Variants in USP10 observed in about 807,000 individuals in gnomAD.
The protein encoded by USP10 is ubiquitin specific peptidase 10, also known as ubiquitin carboxyl-terminal hydrolase 10.
A neutral mutation model predicts 84.5 loss-of-function variants in USP10; 22 were observed. The observed-to-expected ratio is 0.26, with a 90% CI of 0.19 to 0.37. The LOEUF (loss-of-function observed/expected upper bound fraction) is 0.37. Ranked by LOEUF, USP10 falls within the 10% of genes least tolerant of loss-of-function variation. The pLI is 1.00. For synonymous variants in USP10, 454 were observed against 387.6 expected (o/e 1.17, Z -2.01); for missense variants, 1,019 against 998.9 (o/e 1.02, Z -0.27).
At chr16:84,704,745 G>A in intron 1 of USP10, 1 of 1,531,050 alleles carries the variant, frequency 6.5e-7, no homozygotes, top group Non-Finnish European at 8.7e-7. Flanking sequence ...GAAAGCTCCT[G>A]GGCCATGATC....
chr16:84,712,382 C>G (rs892731680), intron 1 of USP10, among the ~76,000 whole-genome samples: 1 of 152,154 alleles, frequency 6.6e-6, no homozygotes, highest in East Asian at 1.9e-4. Context: ...TCTTTCGGGT[C>G]AGGAAGGCTT....
At chr16:84,774,505 C>G (rs1017141554) in intron 12 of USP10, among the ~76,000 whole-genome samples, 1 of 39,398 alleles carries the variant, frequency 2.5e-5, no homozygotes, top group Non-Finnish European at 5.1e-5. Context: ...TTTTCTTGCT[C>G]TGTCACCCAG....
chr16:84,746,314 C>T (rs1273797827), intron 4 of USP10, among the ~76,000 whole-genome samples: 1 of 152,158 alleles, frequency 6.6e-6, no homozygotes, highest in Non-Finnish European at 1.5e-5. Flanking sequence ...AGAAATGCAG[C>T]AGGGTATGAA....
chr16:84,775,329 A>G (rs1016845277), intron 13 of USP10, 104 bp downstream of exon 13: 8 of 1,140,456 alleles, frequency 7.0e-6, no homozygotes, highest in African/African-American at 4.5e-5. Flanking sequence ...CAGATGCTGT[A>G]CTCAGGTATC....
At chr16:84,748,224 T>C (rs1183706840) in intron 4 of USP10, among the ~76,000 whole-genome samples, 3 of 152,086 alleles carry the variant, frequency 2.0e-5, no homozygotes, top group Non-Finnish European at 4.4e-5. Flanking sequence ...TAAAAGTTTA[T>C]TTTTAACCTA....
intron 1 of USP10, among the ~76,000 whole-genome samples, chr16:84,729,020 A>T (rs1266462725): frequency 6.6e-6 from 1 of 151,640 alleles, no homozygotes; most frequent in Non-Finnish European, 1.5e-5. Context: ...CTGGTCTTGA[A>T]CTCCTGAAGT....
At chr16:84,721,316 G>A (rs931777466) in intron 1 of USP10, among the ~76,000 whole-genome samples, 1 of 152,158 alleles carries the variant, frequency 6.6e-6, no homozygotes, top group African/African-American at 2.4e-5. Context: ...TTCTTCTTCC[G>A]TAGATGAGAG....
chr16:84,704,920 C>G (rs1032509951), intron 1 of USP10: 1 of 1,534,948 alleles, frequency 6.5e-7, no homozygotes, highest in Non-Finnish European at 8.7e-7. Flanking sequence ...CCTCGACTTT[C>G]CCTTTTGGGC....
intron 1 of USP10, chr16:84,709,007 C>G (rs1047876422): frequency 2.6e-5 from 4 of 152,158 alleles, no homozygotes; most frequent in African/African-American, 9.7e-5. Flanking sequence ...TCCTGTAACA[C>G]AAGTGTGAAC....
intron 2 of USP10, among the ~76,000 whole-genome samples, chr16:84,735,564 T>A (rs1909828700): frequency 1.3e-5 from 2 of 152,202 alleles, no homozygotes; most frequent in Admixed American, 1.3e-4. Context: ...GAATGCTTAT[T>A]CACGTCACAG....
intron 9 of USP10, 23 bp downstream of exon 9, chr16:84,763,111 C>T: frequency 1.3e-6 from 2 of 1,528,262 alleles, no homozygotes; most frequent in Non-Finnish European, 1.8e-6. Context: ...CCACTTGCCG[C>T]AGAGTTGTGC....
Position 84,733,399 on chromosome 16 carries a change from T to C in USP10, c.22-36T>C, listed in dbSNP as rs775785271. On this transcript the variant is annotated intron_variant, in intron 1 of 13. Coordinates refer to ENST00000219473, the MANE Select transcript of USP10 (RefSeq NM_005153.3). ...TTTCTGAAAGTATATAATTTGTATA[T>C]TTTATGTGATCAGTGACTCTCTTAT... 4 of 1,480,264 alleles carry C rather than the reference T, an allele frequency of 2.7e-6. No homozygotes were observed. The East Asian group carries it at 6.8e-5, about 25-fold the overall frequency. The allele number at this position is 1,480,264 out of a possible 1,614,324, so 91.7% of individuals were successfully genotyped here.
At chr16:84,735,198 TGTG>T (rs1220372866) in intron 2 of USP10, among the ~76,000 whole-genome samples, 39 of 28,228 alleles carry the variant, frequency 1.4e-3, no homozygotes, top group African/African-American at 4.1e-3. Context: ...GCCCGGGTGG[TGTG>T]TGTGTGTGTG....
At chr16:84,761,542 G>A (rs1913203661) in intron 8 of USP10, among the ~76,000 whole-genome samples, 1 of 152,248 alleles carries the variant, frequency 6.6e-6, no homozygotes, top group Admixed American at 6.5e-5. Context: ...GGGGCCACAA[G>A]GCTACGCGTA....
intron 13 of USP10, among the ~76,000 whole-genome samples, chr16:84,777,462 A>G (rs571578874): frequency 1.3e-5 from 2 of 152,204 alleles, no homozygotes; most frequent in Non-Finnish European, 2.9e-5. Context: ...TGCTGCTGTC[A>G]TGGGTGCTTC....
At position 84,775,883 on chromosome 16, in the gene USP10, C is replaced by T. The variant is rs566408946; in HGVS notation, c.2209+658C>T. Among the ~76,000 whole-genome samples the T allele has an allele frequency of 3.4e-4, 34 of 100,252 alleles. No homozygotes were observed. In the South Asian group the frequency reaches 5.2e-3, roughly 15 times the overall value. 65.8% of individuals were successfully genotyped at this position (100,252 alleles called of 152,430 possible). On this transcript the variant is annotated intron_variant, in intron 13 of 13. Transcript: ENST00000219473. ...TTTTATCCTTCTTTCTCTTTTATAG[C>T]GTCATCTTTTATGCCTCTGAGTCTT...
At chr16:84,735,239 T>TGTG (rs1567612969) in intron 2 of USP10, among the ~76,000 whole-genome samples, 46 of 130,604 alleles carry the variant, frequency 3.5e-4, no homozygotes, top group African/African-American at 1.2e-3. Flanking sequence ...GTGTGTGTGG[T>TGTG]GTGTGTGTTT....
chr16:84,750,096 A>G (rs1485184400), intron 4 of USP10, among the ~76,000 whole-genome samples: 5 of 152,126 alleles, frequency 3.3e-5, no homozygotes, highest in Non-Finnish European at 1.5e-5. Flanking sequence ...GCCATTTATC[A>G]GTAGGAGTCA....
intron 1 of USP10, among the ~76,000 whole-genome samples, chr16:84,720,405 G>A (rs1907626616): frequency 6.6e-6 from 1 of 151,962 alleles, no homozygotes; most frequent in South Asian, 2.1e-4. Context: ...ATTGTTTTTG[G>A]CAGTAATTGT....
Sources: gnomAD v4.1 joint callset for allele counts (sites outside exome capture counted in the v4.1 genomes callset) on GRCh38, gnomAD v4.1.1 for gene constraint, MANE v1.5 for transcripts, NCBI Gene and HGNC (gene_info 2026-07-23, HGNC 2026-07-21) for gene names.